SMOC2: variants seen among roughly 807,000 people sequenced by gnomAD.
SMOC2 encodes SPARC related modular calcium binding 2.
A neutral mutation model predicts 61.4 loss-of-function variants in SMOC2; 39 were observed. The observed-to-expected ratio is 0.64, with a 90% confidence interval of 0.49 to 0.83. SMOC2 has a LOEUF of 0.83. Ranked by LOEUF, SMOC2 falls within the 40% of genes least tolerant of loss-of-function variation. The pLI, the probability that SMOC2 is intolerant of heterozygous loss-of-function variation, is 0.00. For synonymous variants in SMOC2, 247 were observed against 239.9 expected, an observed-to-expected ratio of 1.03 and a Z score of -0.27; for missense variants, 556 against 592.9, an observed-to-expected ratio of 0.94 and a Z score of 0.65.
At chr6:168,518,636 AGTGTATGCTTGTGTGG>A (rs1783217290) in intron 2 of SMOC2, among the ~76,000 whole-genome samples, 1 of 147,806 alleles carries the variant, frequency 6.8e-6, no homozygotes, top group Non-Finnish European at 1.5e-5. Flanking sequence ...TGCATGTGTG[AGTGTATGCTTGTGTGG>A]GTGTGTATGT....
intron 4 of SMOC2, among the ~76,000 whole-genome samples, chr6:168,543,177 T>C (rs984648515): frequency 1.3e-5 from 2 of 152,218 alleles, no homozygotes; most frequent in Admixed American, 6.5e-5. Flanking sequence ...TACCAAAAGG[T>C]AGTTCCTCGC....
At chr6:168,650,391 C>G (rs1354844996) in intron 9 of SMOC2, among the ~76,000 whole-genome samples, 4 of 152,186 alleles carry the variant, frequency 2.6e-5, no homozygotes, top group Non-Finnish European at 2.9e-5. Flanking sequence ...GCCACACTCG[C>G]TGGATGAGTG....
rs1406656932 is a variant in SMOC2, at chr6:168,608,201, C to T, written c.869C>T (p.Ala290Val). ...KCDNTARAHP[A>V]KARDLYKGRQ... The stretch of plus-strand genomic sequence containing the variant: ...GACAACACGGCCAGGGCCCACCCAG[C>T]CAAAGCCCGGGACCTGTACAAGGGC... Residue 290 changes from alanine (A) to valine (V), a missense_variant, in exon 9 of 13, where the codon GCC (alanine) becomes GTC (valine). Coordinates refer to ENST00000356284, the MANE Select transcript of SMOC2 (RefSeq NM_001166412.2). 6.2e-7 allele frequency: 1 copy of T among 1,613,820 alleles called. No homozygotes were observed. The highest frequency in any genetic ancestry group is 1.7e-5 in the Admixed American group (1 of 59,988).
chr6:168,556,819 T>G (rs1016231624), intron 7 of SMOC2, among the ~76,000 whole-genome samples: 1 of 133,192 alleles, frequency 7.5e-6, no homozygotes, highest in African/African-American at 2.8e-5. Flanking sequence ...TTCTGTTAGG[T>G]TTTTTTTTTG....
At chr6:168,477,440 A>G (rs1195613016) in intron 1 of SMOC2, among the ~76,000 whole-genome samples, 1 of 152,150 alleles carries the variant, frequency 6.6e-6, no homozygotes, top group Non-Finnish European at 1.5e-5. Context: ...TGGACTCCTA[A>G]TTATTTATCT....
Position 168,441,461 on chromosome 6 carries a change from C to G in SMOC2, c.84+7C>G. On this transcript the variant is annotated splice_region_variant and intron_variant, in intron 1 of 12. Coordinates refer to ENST00000356284, the MANE Select transcript of SMOC2 (RefSeq NM_001166412.2). ...GAAGTTCTCGGCGCTCACGGTAAGC[C>G]CGGGCCCGCGGGACCTGGAGCTCAA... The G allele has an allele frequency of 1.3e-6, 2 of 1,494,360 alleles. No homozygotes were observed. The highest frequency in any genetic ancestry group is 1.8e-6 in the Non-Finnish European group (2 of 1,125,912). The allele number at this position is 1,494,360 out of a possible 1,614,324, so 92.6% of individuals were successfully genotyped here.
At chr6:168,503,514 C>T (rs568957354) in intron 1 of SMOC2, among the ~76,000 whole-genome samples, 1 of 152,260 alleles carries the variant, frequency 6.6e-6, no homozygotes, top group African/African-American at 2.4e-5. Context: ...AAATGCCCTC[C>T]CCGCATGGTG....
At chr6:168,472,000 G>A (rs576108355) in intron 1 of SMOC2, among the ~76,000 whole-genome samples, 10 of 152,272 alleles carry the variant, frequency 6.6e-5, no homozygotes, top group Admixed American at 1.3e-4. Flanking sequence ...CCGTGTGTGC[G>A]TTTCCACTCT....
intron 1 of SMOC2, among the ~76,000 whole-genome samples, chr6:168,446,978 G>A (rs2114989564): frequency 6.6e-6 from 1 of 152,292 alleles, no homozygotes; most frequent in Non-Finnish European, 1.5e-5. Flanking sequence ...TCACTTAAGA[G>A]AAGGCAAATG....
chr6:168,559,128 G>C (rs1287759925), intron 7 of SMOC2, among the ~76,000 whole-genome samples: 2 of 152,222 alleles, frequency 1.3e-5, no homozygotes, highest in Non-Finnish European at 2.9e-5. Context: ...CATAAACTGA[G>C]TGAAATATCT....
intron 12 of SMOC2, chr6:168,664,526 G>A: frequency 5.2e-6 from 2 of 386,174 alleles, no homozygotes; most frequent in South Asian, 2.0e-5. Flanking sequence ...ATTTTTTCAA[G>A]CAATTGTCTG....
intron 9 of SMOC2, among the ~76,000 whole-genome samples, chr6:168,638,729 C>T (rs1365202791): frequency 3.3e-5 from 5 of 152,246 alleles, no homozygotes; most frequent in Middle Eastern, 3.4e-3. Flanking sequence ...GGGCGGCTGA[C>T]AGGTGTAGGG....
chr6:168,585,915 A>G (rs182056239), intron 7 of SMOC2, among the ~76,000 whole-genome samples: 16 of 152,282 alleles, frequency 1.1e-4, no homozygotes, highest in African/African-American at 3.8e-4. Flanking sequence ...AGCTGTGTAT[A>G]TTAGGGATCT....
At chr6:168,496,489 T>C (rs1385508317) in intron 1 of SMOC2, among the ~76,000 whole-genome samples, 4 of 152,210 alleles carry the variant, frequency 2.6e-5, no homozygotes, top group African/African-American at 9.6e-5. Context: ...GTTTGTGTGT[T>C]GGACTGTCCA....
At position 168,553,587 on chromosome 6, in the gene SMOC2, A is replaced by G. The variant is rs187521240; in HGVS notation, c.637+4384A>G. 4.6e-5 allele frequency among the ~76,000 whole-genome samples: 7 copies of G among 152,186 alleles called. No homozygotes were observed. Among genetic ancestry groups the G allele is most frequent in the Admixed American group, 2.6e-4 (4 of 15,310 alleles). On this transcript the variant is annotated intron_variant, in intron 7 of 12. Coordinates refer to ENST00000356284, the MANE Select transcript of SMOC2 (RefSeq NM_001166412.2). This position sits in a 1 kb window ranked among gnomAD's most constrained non-coding sequence, Gnocchi z 4.2. ...CAGCTACTAACATCTTCACAAAATAACAAACACTCTTCATGAATTACCAAC... is the reference window on the plus strand; with the variant it reads ...CAGCTACTAACATCTTCACAAAATAGCAAACACTCTTCATGAATTACCAAC...
chr6:168,441,530 C>A, intron 1 of SMOC2, 76 bp downstream of exon 1: 1 of 1,413,404 alleles, frequency 7.1e-7, no homozygotes, highest in Non-Finnish European at 9.2e-7. Context: ...GTCCCCGCGC[C>A]CCGCTCCAGG....
chr6:168,650,350 C>T (rs946581928), intron 9 of SMOC2, among the ~76,000 whole-genome samples: 1 of 152,150 alleles, frequency 6.6e-6, no homozygotes, highest in Non-Finnish European at 1.5e-5. Context: ...CTCCGTATGT[C>T]CCGTGTCCCT....
Position 168,535,339 on chromosome 6 carries a change from C to G in SMOC2, c.463+7612C>G, listed in dbSNP as rs1222801966. ...CTTCTAATTATTTTTTGGACAAATG[C>G]TAATTATTTTACAGCACCTTTTTTC... On this transcript the variant is annotated intron_variant, in intron 4 of 12. Transcript: ENST00000356284. This position sits in a 1 kb window ranked among gnomAD's most constrained non-coding sequence, Gnocchi z 4.6. Among the ~76,000 whole-genome samples, 1 of 152,066 alleles carries G rather than the reference C, an allele frequency of 6.6e-6. No homozygotes were observed. The highest frequency in any genetic ancestry group is 1.5e-5 in the Non-Finnish European group (1 of 68,020).
chr6:168,484,438 A>G lies in SMOC2; in HGVS notation c.85-25477A>G, dbSNP rs371565342. On this transcript the variant is annotated intron_variant, in intron 1 of 12. Transcript: ENST00000356284. ...ATAGCTACTGTTTTAAAAACAGAAA[A>G]TAACAAATGTTAGCAAGGATGTGGA... Among the ~76,000 whole-genome samples, 56 of 152,338 alleles carry G rather than the reference A, an allele frequency of 3.7e-4. No homozygotes were observed. In the East Asian group the frequency reaches 8.1e-3, roughly 22 times the overall value.
Sources: gnomAD v4.1 joint callset for allele counts (sites outside exome capture counted in the v4.1 genomes callset) on GRCh38, gnomAD v4.1.1 for gene constraint, Gnocchi (gnomAD v3.1) non-coding constraint, MANE v1.5 for transcripts, NCBI Gene and HGNC (gene_info 2026-07-23, HGNC 2026-07-21) for gene names.